The following CELF2 variants were observed in gnomAD, a reference collection of about 807,000 sequenced individuals.
CELF2 encodes CUG triplet repeat RNA-binding protein 2.
CELF2 carries 8 observed loss-of-function variants against 62.6 expected under a neutral mutation model. The observed-to-expected ratio is 0.13, with a 90% CI of 0.07 to 0.23. CELF2 has a LOEUF of 0.23. Ranked by LOEUF, CELF2 falls within the 10% of genes least tolerant of loss-of-function variation. The pLI is 1.00. For synonymous variants in CELF2, 258 were observed against 250.0 expected (o/e 1.03, Z -0.30); for missense variants, 333 against 671.0 (o/e 0.50, Z 5.56).
the CELF2 span, among the ~76,000 whole-genome samples, chr10:10,712,722 T>C: frequency 6.6e-6 from 1 of 152,192 alleles, no homozygotes; most frequent in Admixed American, 6.5e-5. Flanking sequence ...TTCTACCCAT[T>C]AGTTCACTCA....
At chr10:11,125,438 T>G (rs2058518612) in intron 1 of CELF2, among the ~76,000 whole-genome samples, 1 of 124,326 alleles carries the variant, frequency 8.0e-6, no homozygotes, top group Non-Finnish European at 1.6e-5. Flanking sequence ...GGGTAGTAAC[T>G]GGATAAAAAA....
upstream of CELF2, chr10:10,794,643 C>G (rs757960058): frequency 9.9e-5 from 15 of 152,144 alleles, 1 homozygote; most frequent in Admixed American, 3.3e-4. Flanking sequence ...CAGCAACTTA[C>G]TAAGACACCA....
At chr10:11,198,599 A>G (rs868465581) in intron 2 of CELF2, among the ~76,000 whole-genome samples, 10 of 152,242 alleles carry the variant, frequency 6.6e-5, no homozygotes, top group Non-Finnish European at 1.0e-4. Context: ...CAGTCAGAAC[A>G]TAGCCATAGT....
chr10:11,171,726 C>T (rs2068919770), intron 2 of CELF2, among the ~76,000 whole-genome samples: 1 of 152,192 alleles, frequency 6.6e-6, no homozygotes, highest in Non-Finnish European at 1.5e-5. Context: ...TTTCTTTATC[C>T]ATGCAGTAGA....
At chr10:11,109,210 AGTAAGCTGGTTTTTATG>A (rs1564778360) in intron 1 of CELF2, among the ~76,000 whole-genome samples, 1 of 152,168 alleles carries the variant, frequency 6.6e-6, no homozygotes, top group East Asian at 1.9e-4. Flanking sequence ...TTCTCTCAAT[AGTAAGCTGGTTTTTATG>A]GTACCATATC....
intron 1 of CELF2, among the ~76,000 whole-genome samples, chr10:11,035,534 C>G (rs1593638651): frequency 6.6e-6 from 1 of 152,340 alleles, no homozygotes; most frequent in South Asian, 2.1e-4. Context: ...TGTTCTAACA[C>G]TGCCCTTTGT....
rs376564144 is a variant in CELF2, at chr10:11,110,776, G to A, written c.75-54710G>A. ...AGTGTGCCCACGGGAGGCCTCATCC[G>A]GGGGCAGTTTCTGCTTGTCAAGGAA... On this transcript the variant is annotated intron_variant, in intron 1 of 12. Coordinates refer to ENST00000633077, the MANE Select transcript of CELF2 (RefSeq NM_001326342.2). The surrounding 1 kb of genome is among the most constrained non-coding windows in gnomAD (Gnocchi z 4.0). Among the ~76,000 whole-genome samples the A allele has an allele frequency of 3.9e-5, 6 of 152,066 alleles. No homozygotes were observed. Among genetic ancestry groups the A allele is most frequent in the African/African-American group, 1.2e-4 (5 of 41,390 alleles).
Position 11,039,986 on chromosome 10 carries a change from T to G in CELF2, c.74+21823T>G, listed in dbSNP as rs574012910. On this transcript the variant is annotated intron_variant, in intron 1 of 12. Coordinates refer to ENST00000633077, the MANE Select transcript of CELF2 (RefSeq NM_001326342.2). This position sits in a 1 kb window ranked among gnomAD's most constrained non-coding sequence, Gnocchi z 4.1. Reference sequence around the variant, plus strand: ...GTATTGATTATCTTTATGTGGACCATGACAAATTGATTTTTTAATTGAGAC... The same window carrying G: ...GTATTGATTATCTTTATGTGGACCAGGACAAATTGATTTTTTAATTGAGAC... Among the ~76,000 whole-genome samples, 1 of 152,350 alleles carries G rather than the reference T, an allele frequency of 6.6e-6. No individual in the cohort carries two copies. Among genetic ancestry groups the G allele is most frequent in the East Asian group, 1.9e-4 (1 of 5,192 alleles).
intron 1 of CELF2, among the ~76,000 whole-genome samples, chr10:11,137,691 C>T (rs778498500): frequency 6.6e-6 from 1 of 152,198 alleles, no homozygotes; most frequent in Non-Finnish European, 1.5e-5. Flanking sequence ...GAGCCTACTG[C>T]GTGTATATTA....
intron 2 of CELF2, among the ~76,000 whole-genome samples, chr10:10,985,259 T>G (rs901052106): frequency 6.6e-6 from 1 of 152,104 alleles, no homozygotes; most frequent in Non-Finnish European, 1.5e-5. Context: ...AACTTATTCT[T>G]AATACACCCC....
rs181485379 is a variant in CELF2 at position 10,987,367 on chromosome 10, G to A, written c.89+67368G>A. Among the ~76,000 whole-genome samples the A allele has an allele frequency of 1.3e-3, 198 of 150,794 alleles. 2 individuals are homozygous for A. Among genetic ancestry groups the A allele is most frequent in the East Asian group, 3.9e-3 (20 of 5,140 alleles). On this transcript the variant is annotated intron_variant, in intron 2 of 13. Transcript: ENST00000636488. Reference sequence around the variant, plus strand: ...GTAAGCTATTTTTGTAAATATTATCGTAAACTAAGGCGTATATATACACAC... The same window carrying A: ...GTAAGCTATTTTTGTAAATATTATCATAAACTAAGGCGTATATATACACAC...
At chr10:11,021,578 G>A (rs1386937157) in intron 1 of CELF2, among the ~76,000 whole-genome samples, 7 of 152,200 alleles carry the variant, frequency 4.6e-5, no homozygotes, top group African/African-American at 1.7e-4. Flanking sequence ...GGAAACGTGA[G>A]TTGTTAGTTG....
chr10:10,794,321 T>C (rs1354718101), upstream of CELF2, among the ~76,000 whole-genome samples: 1 of 151,888 alleles, frequency 6.6e-6, no homozygotes, highest in African/African-American at 2.4e-5. Flanking sequence ...CTTACTCACC[T>C]GAGAAGAAGG....
chr10:10,920,963 G>C (rs1170052640), intron 2 of CELF2, among the ~76,000 whole-genome samples: 1 of 152,006 alleles, frequency 6.6e-6, no homozygotes, highest in Non-Finnish European at 1.5e-5. Context: ...TGTTGTTGTT[G>C]TTATTTTTTG....
In CELF2 at chr10:11,247,398, C is replaced by G. The variant is rs1037666283; in HGVS notation, c.355-1755C>G. Among the ~76,000 whole-genome samples the G allele has an allele frequency of 2.0e-5, 3 of 152,226 alleles. No individual in the cohort carries two copies. Among genetic ancestry groups the G allele is most frequent in the South Asian group, 2.1e-4 (1 of 4,834 alleles). ...CCCGTGAGTTTCACATGCCGGCCCCCCTTCAGTGCTCGCACGTCCAAGGAC... is the reference window on the plus strand; with the variant it reads ...CCCGTGAGTTTCACATGCCGGCCCCGCTTCAGTGCTCGCACGTCCAAGGAC... On this transcript the variant is annotated intron_variant, in intron 3 of 12. Transcript: ENST00000633077. The surrounding 1 kb of genome is among the most constrained non-coding windows in gnomAD (Gnocchi z 5.4).
intron 1 of CELF2, among the ~76,000 whole-genome samples, chr10:11,027,314 G>T (rs754193587): frequency 1.1e-4 from 16 of 151,918 alleles, no homozygotes; most frequent in African/African-American, 3.9e-4. Context: ...TTTCTTTTAC[G>T]CTCTGATGTC....
At chr10:11,137,870 A>G (rs1213369975) in intron 1 of CELF2, among the ~76,000 whole-genome samples, 3 of 152,224 alleles carry the variant, frequency 2.0e-5, no homozygotes, top group Non-Finnish European at 4.4e-5. Flanking sequence ...CCAAGCTTCA[A>G]GTGTTCCCTT....
chr10:10,800,179 A>G (rs1454145688), intron 1 of CELF2, among the ~76,000 whole-genome samples: 1 of 152,212 alleles, frequency 6.6e-6, no homozygotes, highest in Non-Finnish European at 1.5e-5. Flanking sequence ...TTTCTTTTTA[A>G]AAAGTACTGC....
chr10:11,194,355 C>T (rs2056845103), intron 2 of CELF2, among the ~76,000 whole-genome samples: 1 of 152,324 alleles, frequency 6.6e-6, no homozygotes, highest in African/African-American at 2.4e-5. Flanking sequence ...TGAGCCACCA[C>T]ACCCAGCCTA....
Sources: gnomAD v4.1 joint callset for allele counts (sites outside exome capture counted in the v4.1 genomes callset) on GRCh38, gnomAD v4.1.1 for gene constraint, Gnocchi (gnomAD v3.1) non-coding constraint, MANE v1.5 for transcripts, NCBI Gene and HGNC (gene_info 2026-07-23, HGNC 2026-07-21) for gene names.